CLSTN1: variants seen among roughly 807,000 people sequenced by gnomAD.
CLSTN1 encodes the protein calsyntenin-1.
A neutral mutation model predicts 108.3 loss-of-function variants in CLSTN1; 28 were observed. That is an observed-to-expected ratio of 0.26 (90% CI 0.19 to 0.35). The LOEUF (loss-of-function observed/expected upper bound fraction) is 0.35, where lower values mean the gene tolerates loss of function less well. Among genes scored for constraint, CLSTN1 ranks in the 10% least tolerant of loss-of-function variants. The pLI is 1.00. For missense variants in CLSTN1, 1,157 were observed against 1,302.6 expected (o/e 0.89, Z 1.72); for synonymous variants, 524 against 534.9 (o/e 0.98, Z 0.28).
At position 9,730,024 on chromosome 1, in the gene CLSTN1, A is replaced by T; in HGVS notation, c.*484T>A. ...TTTATTTACAAAATATTAAAAAGTC[A>T]GTTAATCATCTACACAGTACCCCCC... On this transcript the variant is annotated 3_prime_UTR_variant, in exon 19 of 19. Coordinates refer to ENST00000377298, the MANE Select transcript of CLSTN1 (RefSeq NM_001009566.3). The surrounding 1 kb of genome is among the most constrained non-coding windows in gnomAD (Gnocchi z 5.6). The T allele has an allele frequency of 6.1e-6, 1 of 164,578 alleles. No individual in the cohort carries two copies. The highest frequency in any genetic ancestry group is 1.5e-4 in the South Asian group (1 of 6,848). The allele number at this position is 164,578 out of a possible 1,614,324, so 10.2% of individuals were successfully genotyped here. A position where few individuals can be genotyped will look rare whatever the true frequency, so the allele number is the denominator to read the frequency against.
At chr1:9,785,738 C>A (rs1653457002) in intron 1 of CLSTN1, among the ~76,000 whole-genome samples, 1 of 152,204 alleles carries the variant, frequency 6.6e-6, no homozygotes, top group East Asian at 1.9e-4. Context: ...ATGAAAATCA[C>A]TTGTACACTT....
At chr1:9,752,888 TAAAAC>T (rs995934093) in intron 4 of CLSTN1, among the ~76,000 whole-genome samples, 8 of 151,776 alleles carry the variant, frequency 5.3e-5, no homozygotes, top group African/African-American at 1.7e-4. Flanking sequence ...AATAAATAAA[TAAAAC>T]AAAAGAAAAA....
At chr1:9,780,564 T>C (rs1215546507) in intron 1 of CLSTN1, among the ~76,000 whole-genome samples, 1 of 152,212 alleles carries the variant, frequency 6.6e-6, no homozygotes, top group Non-Finnish European at 1.5e-5. Context: ...AAGCTGGCAG[T>C]AGAATGAGAT....
In CLSTN1 at chr1:9,773,263, C is replaced by T. The variant is rs759239838; in HGVS notation, c.214+9G>A. 5.6e-6 allele frequency: 9 copies of T among 1,613,690 alleles called. No homozygotes were observed. The highest frequency in any genetic ancestry group is 1.3e-5 in the African/African-American group (1 of 74,932). ...ATTCATCAAGAGTCAATGAAAGCCCCGTTCCTACCTGCAAATCGCAGAGGC... is the reference window on the plus strand; with the variant it reads ...ATTCATCAAGAGTCAATGAAAGCCCTGTTCCTACCTGCAAATCGCAGAGGC... On this transcript the variant is annotated intron_variant, in intron 2 of 18. Coordinates refer to ENST00000377298, the MANE Select transcript of CLSTN1 (RefSeq NM_001009566.3).
chr1:9,797,244 G>A (rs1654050039), intron 1 of CLSTN1, among the ~76,000 whole-genome samples: 1 of 152,004 alleles, frequency 6.6e-6, no homozygotes, highest in Non-Finnish European at 1.5e-5. Context: ...GCCCACCCAA[G>A]AGTCTGAGTC....
At chr1:9,778,676 TCTC>T (rs1381728783) in intron 1 of CLSTN1, among the ~76,000 whole-genome samples, 3 of 151,916 alleles carry the variant, frequency 2.0e-5, no homozygotes, top group Non-Finnish European at 4.4e-5. Context: ...AAATCCGTCT[TCTC>T]CCCCCGTCCA....
intron 1 of CLSTN1, among the ~76,000 whole-genome samples, chr1:9,785,632 C>T (rs756364028): frequency 2.0e-5 from 3 of 152,094 alleles, no homozygotes; most frequent in South Asian, 2.1e-4. Context: ...TGTCTCCAGA[C>T]ATTCCCCAAG....
chr1:9,735,316 T>C (rs1039406495), intron 13 of CLSTN1, 142 bp from the exon 14 acceptor site: 2 of 1,365,400 alleles, frequency 1.5e-6, no homozygotes, highest in African/African-American at 1.4e-5. Flanking sequence ...GCAAACAAGA[T>C]GCGTAAATAT....
intron 5 of CLSTN1, 53 bp downstream of exon 5, chr1:9,751,420 G>A (rs1570452069): frequency 1.3e-6 from 2 of 1,555,694 alleles, no homozygotes; most frequent in Non-Finnish European, 1.8e-6. Flanking sequence ...TAAAGTCAGT[G>A]GGGTTAGCAG....
intron 1 of CLSTN1, among the ~76,000 whole-genome samples, chr1:9,785,700 C>G (rs1049532025): frequency 3.3e-5 from 5 of 152,160 alleles, no homozygotes; most frequent in African/African-American, 1.2e-4. Flanking sequence ...TGACATCCAC[C>G]CCGTTAAGGA....
chr1:9,753,906 G>A (rs948199587), intron 4 of CLSTN1, among the ~76,000 whole-genome samples: 1 of 151,872 alleles, frequency 6.6e-6, no homozygotes, highest in African/African-American at 2.4e-5. Context: ...TCAACCTCTC[G>A]GGCTCAAGCA....
intron 1 of CLSTN1, among the ~76,000 whole-genome samples, chr1:9,796,192 G>A (rs1211797705): frequency 1.3e-5 from 2 of 149,914 alleles, no homozygotes; most frequent in Non-Finnish European, 2.9e-5. Context: ...AACCTAGGAG[G>A]CAGAGGTTGC....
chr1:9,817,645 T>C (rs1338580652), intron 1 of CLSTN1, among the ~76,000 whole-genome samples: 1 of 152,168 alleles, frequency 6.6e-6, no homozygotes, highest in Non-Finnish European at 1.5e-5. Context: ...AGATGTTTTA[T>C]AGGCATTTAA....
intron 2 of CLSTN1, among the ~76,000 whole-genome samples, chr1:9,762,628 TGGGTGTCCGGG>T (rs1652136292): frequency 3.4e-5 from 5 of 148,876 alleles, no homozygotes; most frequent in African/African-American, 1.2e-4. Context: ...ACTCAACGGC[TGGGTGTCCGGG>T]CTGTCCCTGA....
At chr1:9,746,931 G>A (rs1651295502) in intron 7 of CLSTN1, among the ~76,000 whole-genome samples, 5 of 151,944 alleles carry the variant, frequency 3.3e-5, no homozygotes, top group Admixed American at 2.6e-4. Context: ...TATAATCCCA[G>A]CACTTTGGGA....
chr1:9,783,906 T>C (rs1653363083), intron 1 of CLSTN1, among the ~76,000 whole-genome samples: 2 of 151,346 alleles, frequency 1.3e-5, no homozygotes, highest in African/African-American at 2.4e-5. Context: ...GACAGGAGAA[T>C]TGCTTGAACC....
intron 16 of CLSTN1, among the ~76,000 whole-genome samples, chr1:9,732,929 G>A (rs542362676): frequency 5.3e-5 from 8 of 152,330 alleles, no homozygotes; most frequent in Non-Finnish European, 7.4e-5. Context: ...AGTGGCTCAC[G>A]CCTGTAATCC....
chr1:9,733,351 CCTCA>C (rs761906505), intron 16 of CLSTN1, 46 bp downstream of exon 16: 6 of 1,607,398 alleles, frequency 3.7e-6, no homozygotes, highest in Non-Finnish European at 5.1e-6. Flanking sequence ...AAATCAGCGC[CCTCA>C]CTCACTGCTG....
intron 2 of CLSTN1, among the ~76,000 whole-genome samples, chr1:9,758,892 G>A (rs762506057): frequency 3.3e-5 from 5 of 152,110 alleles, no homozygotes; most frequent in Admixed American, 6.6e-5. Flanking sequence ...GCTGCTGCAC[G>A]TCTACAAGAG....
Sources: gnomAD v4.1 joint callset for allele counts (sites outside exome capture counted in the v4.1 genomes callset) on GRCh38, gnomAD v4.1.1 for gene constraint, Gnocchi (gnomAD v3.1) non-coding constraint, MANE v1.5 for transcripts, NCBI Gene and HGNC (gene_info 2026-07-23, HGNC 2026-07-21) for gene names.